Variants in DTWD2 observed in about 807,000 individuals in gnomAD.
The protein encoded by DTWD2 is DTW motif tRNA-uridine aminocarboxypropyltransferase 2, also known as tRNA-uridine aminocarboxypropyltransferase 2.
Under a neutral mutation model 31.8 loss-of-function variants are expected in DTWD2, and 39 were observed. The ratio of observed to expected loss-of-function variants is 1.22; its 90% CI spans 0.95 to 1.60. The LOEUF is 1.60. Among genes scored for constraint, DTWD2 ranks in the 40% most tolerant of loss-of-function variants. The pLI, the probability that DTWD2 is intolerant of heterozygous loss-of-function variation, is 0.00. For missense variants in DTWD2, 515 were observed against 381.5 expected (o/e 1.35, Z -2.92); for synonymous variants, 180 against 142.8 (o/e 1.26, Z -1.86).
chr5:118,898,109 C>A (rs1753121455), intron 4 of DTWD2, among the ~76,000 whole-genome samples: 1 of 152,100 alleles, frequency 6.6e-6, no homozygotes, highest in Non-Finnish European at 1.5e-5. Context: ...AAGTGATCCA[C>A]CTGCCTTGAC....
At chr5:118,966,250 A>G (rs566259910) in intron 1 of DTWD2, among the ~76,000 whole-genome samples, 5 of 152,346 alleles carry the variant, frequency 3.3e-5, no homozygotes, top group African/African-American at 1.2e-4. Context: ...TACAAAAGTA[A>G]ACCTCAAAAA....
At chr5:118,873,526 C>G (rs187968779) in intron 4 of DTWD2, among the ~76,000 whole-genome samples, 31 of 152,318 alleles carry the variant, frequency 2.0e-4, no homozygotes, top group South Asian at 4.1e-4. Flanking sequence ...TGCAGCATAC[C>G]TGCAAGCCCA....
chr5:118,949,996 G>C (rs142418504), intron 1 of DTWD2, among the ~76,000 whole-genome samples: 2,760 of 152,182 alleles, frequency 0.018, 79 homozygotes, highest in African/African-American at 0.063. Context: ...AGATCACGAG[G>C]TCAGGAGATC....
At chr5:118,918,473 G>GGA (rs765269114) in intron 4 of DTWD2, among the ~76,000 whole-genome samples, 23 of 83,272 alleles carry the variant, frequency 2.8e-4, no homozygotes, top group Admixed American at 8.6e-4. Context: ...CGTCTCAAGA[G>GGA]AAAAAAAAAA....
At chr5:118,986,491 T>C (rs192924633) in intron 1 of DTWD2, among the ~76,000 whole-genome samples, 10 of 152,336 alleles carry the variant, frequency 6.6e-5, no homozygotes, top group Non-Finnish European at 1.2e-4. Context: ...TTTGTAGTAA[T>C]GTGTTCAGAG....
chr5:118,851,190 G>C (rs1196656027), intron 4 of DTWD2, among the ~76,000 whole-genome samples: 1 of 137,812 alleles, frequency 7.3e-6, no homozygotes, highest in African/African-American at 2.7e-5. Flanking sequence ...CTGCACTCCA[G>C]CCTGGGCAAA....
At chr5:118,971,043 C>G (rs780440169) in intron 1 of DTWD2, among the ~76,000 whole-genome samples, 1 of 152,080 alleles carries the variant, frequency 6.6e-6, no homozygotes, top group African/African-American at 2.4e-5. Context: ...CACTGAAGTA[C>G]GCAAATCAGT....
At chr5:118,951,901 C>G (rs535991784) in intron 1 of DTWD2, among the ~76,000 whole-genome samples, 1 of 152,128 alleles carries the variant, frequency 6.6e-6, no homozygotes, top group Non-Finnish European at 1.5e-5. Context: ...CAGGTGTCCC[C>G]GCGTGATTAA....
intron 1 of DTWD2, among the ~76,000 whole-genome samples, chr5:118,968,839 C>G (rs1231523394): frequency 1.3e-5 from 2 of 152,182 alleles, no homozygotes; most frequent in African/African-American, 4.8e-5. Flanking sequence ...TCTGCAGGCC[C>G]CACTCCCATG....
chr5:118,948,298 A>AC (rs1754384340), intron 1 of DTWD2, among the ~76,000 whole-genome samples: 1 of 151,078 alleles, frequency 6.6e-6, no homozygotes, highest in South Asian at 2.1e-4. Context: ...ACACGGTGAA[A>AC]CCCCGTCTCT....
chr5:118,851,839 T>TA (rs200893015), intron 4 of DTWD2, among the ~76,000 whole-genome samples: 1,438 of 124,446 alleles, frequency 0.012, 15 homozygotes, highest in African/African-American at 0.03. Context: ...TAAAGTATAA[T>TA]AAAAAAAAAA....
intron 1 of DTWD2, among the ~76,000 whole-genome samples, chr5:118,982,374 C>T (rs1195725636): frequency 1.3e-5 from 2 of 152,106 alleles, no homozygotes; most frequent in East Asian, 3.8e-4. Context: ...ACTGGCCATT[C>T]CTCTTTGAAG....
rs115537986 is a variant in DTWD2 at position 118,979,557 on chromosome 5, G to A, written c.218+8737C>T. Among the ~76,000 whole-genome samples, 503 of 152,186 alleles carry A rather than the reference G, an allele frequency of 3.3e-3. 2 individuals carry two copies. Among genetic ancestry groups the A allele is most frequent in the African/African-American group, 0.012 (484 of 41,522 alleles). The stretch of plus-strand genomic sequence containing the variant: ...TTCTATTATAAAGATATATGCATGC[G>A]TATGTTCACTGCAGCACAATTCATA... On this transcript the variant is annotated intron_variant, in intron 1 of 5. Transcript: ENST00000510708.
chr5:118,843,266 T>TGAAAG (rs1336762690), intron 5 of DTWD2, among the ~76,000 whole-genome samples: 1 of 124,420 alleles, frequency 8.0e-6, no homozygotes, highest in Non-Finnish European at 1.7e-5. Context: ...AGAATAGAAA[T>TGAAAG]GAAAGAAAAG....
At chr5:118,969,395 G>A (rs1396735366) in intron 1 of DTWD2, among the ~76,000 whole-genome samples, 2 of 152,180 alleles carry the variant, frequency 1.3e-5, no homozygotes, top group African/African-American at 4.8e-5. Flanking sequence ...CTCCCAGTAG[G>A]GGCTCCAGAC....
chr5:118,922,559 G>T (rs1016946081), intron 4 of DTWD2, among the ~76,000 whole-genome samples: 4 of 152,106 alleles, frequency 2.6e-5, no homozygotes, highest in African/African-American at 9.7e-5. Context: ...ATAGATTTGG[G>T]AAACTTATGC....
chr5:118,855,024 A>T (rs1657212330), intron 4 of DTWD2, among the ~76,000 whole-genome samples: 2 of 151,468 alleles, frequency 1.3e-5, no homozygotes, highest in South Asian at 4.2e-4. Flanking sequence ...ATAGTTAGCC[A>T]AGCGTGGTGG....
At chr5:118,867,320 T>C (rs1053129060) in intron 4 of DTWD2, among the ~76,000 whole-genome samples, 1 of 151,866 alleles carries the variant, frequency 6.6e-6, no homozygotes, top group Non-Finnish European at 1.5e-5. Flanking sequence ...GGATCCAAGA[T>C]AGAATTACTT....
At chr5:118,968,013 T>A (rs755207014) in intron 1 of DTWD2, among the ~76,000 whole-genome samples, 1 of 152,182 alleles carries the variant, frequency 6.6e-6, no homozygotes, top group East Asian at 1.9e-4. Flanking sequence ...GAATAATGCA[T>A]ATTGATATCA....
Sources: allele counts gnomAD v4.1 joint callset (sites outside exome capture counted in the v4.1 genomes callset), GRCh38; gene constraint gnomAD v4.1.1; transcripts MANE v1.5; gene names NCBI Gene and HGNC (gene_info 2026-07-23, HGNC 2026-07-21).